The following RFTN1 variants were observed in gnomAD, a reference collection of about 807,000 sequenced individuals.
RFTN1 encodes the protein raftlin.
In RFTN1, 26 loss-of-function variants were observed where a neutral mutation model predicts 46.5. That is an observed-to-expected ratio of 0.56 (90% confidence interval 0.41 to 0.78). RFTN1 has a LOEUF of 0.78. Among genes scored for constraint, RFTN1 ranks in the 30% least tolerant of loss-of-function variants. The probability of loss-of-function intolerance (pLI) is 0.00; values close to 1 mark genes in which losing one functional copy is unlikely to be tolerated. For missense variants in RFTN1, 693 were observed against 718.7 expected (o/e 0.96, Z 0.41); for synonymous variants, 261 against 284.2 (o/e 0.92, Z 0.82).
rs996953369 is a variant in RFTN1 at position 16,344,959 on chromosome 3, A to G, written c.1146+12973T>C. On this transcript the variant is annotated intron_variant, in intron 7 of 9. Coordinates refer to ENST00000334133, the MANE Select transcript of RFTN1 (RefSeq NM_015150.2). This position sits in a 1 kb window ranked among gnomAD's most constrained non-coding sequence, Gnocchi z 4.4. ...GCCCTCTCTTCATCTGTGGCTCTCA[A>G]ACTATGCATTTTAAGCTCTTTTAGG... Among the ~76,000 whole-genome samples, 2 of 152,170 alleles carry G rather than the reference A, an allele frequency of 1.3e-5. No homozygotes were observed. Among genetic ancestry groups the G allele is most frequent in the African/African-American group, 4.8e-5 (2 of 41,422 alleles).
At position 16,442,708 on chromosome 3, in the gene RFTN1, A is replaced by G. The variant is rs1451526622; in HGVS notation, c.146-8671T>C. ...TTATCATACATAACTGCAACTTTGTACCTTTGACCTACAACTCCCCATCTC... is the reference window on the plus strand; with the variant it reads ...TTATCATACATAACTGCAACTTTGTGCCTTTGACCTACAACTCCCCATCTC... On this transcript the variant is annotated intron_variant, in intron 2 of 9. Coordinates refer to ENST00000334133, the MANE Select transcript of RFTN1 (RefSeq NM_015150.2). The surrounding 1 kb of genome is among the most constrained non-coding windows in gnomAD (Gnocchi z 4.1). Among the ~76,000 whole-genome samples the G allele has an allele frequency of 6.6e-6, 1 of 152,136 alleles. No homozygotes were observed. Among genetic ancestry groups the G allele is most frequent in the Non-Finnish European group, 1.5e-5 (1 of 68,018 alleles).
intron 2 of RFTN1, among the ~76,000 whole-genome samples, chr3:16,438,990 C>A (rs1253255155): frequency 2.0e-5 from 3 of 152,158 alleles, no homozygotes; most frequent in African/African-American, 2.4e-5. Context: ...AAACATAATA[C>A]CTTTTAAATT....
chr3:16,362,256 T>C (rs55724618), intron 6 of RFTN1, among the ~76,000 whole-genome samples: 2,025 of 152,296 alleles, frequency 0.013, 58 homozygotes, highest in African/African-American at 0.046. Flanking sequence ...ACTTCTTGTT[T>C]CCCATCCTGA....
intron 4 of RFTN1, among the ~76,000 whole-genome samples, chr3:16,406,262 C>G (rs190702983): frequency 2.4e-4 from 37 of 152,286 alleles, no homozygotes; most frequent in Middle Eastern, 3.4e-3. Flanking sequence ...GAAGGGGGCC[C>G]AGTCCCATTA....
rs1235382140 is a variant in RFTN1 at position 16,504,975 on chromosome 3, C to T, written c.-9+8467G>A. ...CAAAACCCCAGTATCAGCCTGCTCC[C>T]GCCACCATCCTCACCCTGACATTGG... is the stretch of plus-strand genomic sequence containing the variant. On this transcript the variant is annotated intron_variant, in intron 1 of 9. Transcript: ENST00000334133. The surrounding 1 kb of genome is among the most constrained non-coding windows in gnomAD (Gnocchi z 4.4). 1.3e-5 allele frequency among the ~76,000 whole-genome samples: 2 copies of T among 152,172 alleles called. No homozygotes were observed. Among genetic ancestry groups the T allele is most frequent in the African/African-American group, 2.4e-5 (1 of 41,426 alleles).
chr3:16,408,589 T>TAC (rs1174871229), intron 4 of RFTN1, among the ~76,000 whole-genome samples: 4 of 146,944 alleles, frequency 2.7e-5, no homozygotes, highest in African/African-American at 1.0e-4. Context: ...AAGTAGACCC[T>TAC]ACAGTTAGGC....
At chr3:16,332,796 T>G (rs1357484352) in intron 7 of RFTN1, among the ~76,000 whole-genome samples, 1 of 79,244 alleles carries the variant, frequency 1.3e-5, no homozygotes, top group Non-Finnish European at 2.8e-5. Context: ...ATCTTCTACT[T>G]TATCTTCTTC....
chr3:16,354,916 G>A (rs959355051), intron 7 of RFTN1, among the ~76,000 whole-genome samples: 5 of 152,196 alleles, frequency 3.3e-5, no homozygotes, highest in African/African-American at 7.2e-5. Flanking sequence ...GCTAGGACAC[G>A]AACACAATTT....
rs922867800 is a variant in RFTN1 at position 16,429,854 on chromosome 3, T to A, written c.332+3997A>T. ...GGTGATTCTTGGTAATGAAGTTCACTTGGGTCAACAATAATCTAGAATGTG... is the reference window on the plus strand; with the variant it reads ...GGTGATTCTTGGTAATGAAGTTCACATGGGTCAACAATAATCTAGAATGTG... On this transcript the variant is annotated intron_variant, in intron 3 of 9. Transcript: ENST00000334133. This position sits in a 1 kb window ranked among gnomAD's most constrained non-coding sequence, Gnocchi z 6.4. Among the ~76,000 whole-genome samples the A allele has an allele frequency of 6.6e-6, 1 of 152,236 alleles. No individual in the cohort carries two copies. Among genetic ancestry groups the A allele is most frequent in the Non-Finnish European group, 1.5e-5 (1 of 68,034 alleles).
intron 7 of RFTN1, among the ~76,000 whole-genome samples, chr3:16,355,432 C>G (rs2072372553): frequency 6.6e-6 from 1 of 152,240 alleles, no homozygotes; most frequent in African/African-American, 2.4e-5. Flanking sequence ...CTGGCAAAGG[C>G]CCATTCCTCA....
chr3:16,496,445 G>A (rs2076627436), intron 1 of RFTN1, among the ~76,000 whole-genome samples: 2 of 152,196 alleles, frequency 1.3e-5, no homozygotes, highest in Non-Finnish European at 2.9e-5. Context: ...AAACACCCAT[G>A]AGGATATGCA....
intron 7 of RFTN1, among the ~76,000 whole-genome samples, chr3:16,343,379 A>C (rs1366476434): frequency 2.0e-5 from 3 of 152,212 alleles, no homozygotes; most frequent in African/African-American, 7.2e-5. Context: ...AAAACAGTCT[A>C]CTTCCTTCCT....
rs532453607 is a variant in RFTN1 at position 16,448,729 on chromosome 3, G to A, written c.146-14692C>T. The stretch of plus-strand genomic sequence containing the variant: ...ATGTTTACCTCTCAGGAGCCACTGC[G>A]TTCCCGACCTTCTTCTGCCCCATTG... On this transcript the variant is annotated intron_variant, in intron 2 of 9. Coordinates refer to ENST00000334133, the MANE Select transcript of RFTN1 (RefSeq NM_015150.2). This position sits in a 1 kb window ranked among gnomAD's most constrained non-coding sequence, Gnocchi z 4.1. Among the ~76,000 whole-genome samples the A allele has an allele frequency of 5.3e-5, 8 of 152,236 alleles. No homozygotes were observed. Among genetic ancestry groups the A allele is most frequent in the African/African-American group, 1.2e-4 (5 of 41,546 alleles).
At chr3:16,397,771 G>C (rs927389035) in intron 4 of RFTN1, among the ~76,000 whole-genome samples, 17 of 138,940 alleles carry the variant, frequency 1.2e-4, no homozygotes, top group Admixed American at 1.2e-3. Context: ...ATTTGGTCTC[G>C]GTCTCTCTCC....
chr3:16,492,347 G>A (rs1354076574), intron 2 of RFTN1, among the ~76,000 whole-genome samples: 1 of 152,194 alleles, frequency 6.6e-6, no homozygotes, highest in East Asian at 1.9e-4. Flanking sequence ...AACACCTGCA[G>A]ACCCTACTGT....
intron 1 of RFTN1, among the ~76,000 whole-genome samples, chr3:16,503,095 C>T (rs569485472): frequency 6.6e-6 from 1 of 152,274 alleles, no homozygotes; most frequent in Admixed American, 6.5e-5. Context: ...ACCCCCACTC[C>T]TCCAACTCCC....
intron 2 of RFTN1, among the ~76,000 whole-genome samples, chr3:16,437,036 C>T (rs2075530094): frequency 6.6e-6 from 1 of 152,182 alleles, no homozygotes; most frequent in African/African-American, 2.4e-5. Flanking sequence ...CTACAAGTTC[C>T]CATGCAAGAA....
In RFTN1 at chr3:16,374,642, G is replaced by A. The variant is rs573621288; in HGVS notation, c.826+3076C>T. 6.6e-6 allele frequency among the ~76,000 whole-genome samples: 1 copy of A among 152,310 alleles called. No homozygotes were observed. The highest frequency in any genetic ancestry group is 6.5e-5 in the Admixed American group (1 of 15,302). On this transcript the variant is annotated intron_variant, in intron 5 of 9. Transcript: ENST00000334133. This position sits in a 1 kb window ranked among gnomAD's most constrained non-coding sequence, Gnocchi z 5.4. ...AGGGTAGGAAGGGCAGTGCTTGGAA[G>A]ACTTGTTATTTTGGTGACGGTGAGA...
At position 16,484,240 on chromosome 3, in the gene RFTN1, C is replaced by CTT. The variant is rs2076411550; in HGVS notation, c.145+9483_145+9484dup. ...GTGAAGGGAGACTGAAAGGACAACT[C>CTT]TTATAAACAATGATTATCAGCTGCT... On this transcript the variant is annotated intron_variant, in intron 2 of 9. Coordinates refer to ENST00000334133, the MANE Select transcript of RFTN1 (RefSeq NM_015150.2). The surrounding 1 kb of genome is among the most constrained non-coding windows in gnomAD (Gnocchi z 4.6). 6.6e-6 allele frequency among the ~76,000 whole-genome samples: 1 copy of CTT among 152,208 alleles called. No homozygotes were observed. Among genetic ancestry groups the CTT allele is most frequent in the Admixed American group, 6.5e-5 (1 of 15,282 alleles).
Sources: allele counts gnomAD v4.1 joint callset (sites outside exome capture counted in the v4.1 genomes callset), GRCh38; gene constraint gnomAD v4.1.1; non-coding constraint Gnocchi (gnomAD v3.1); transcripts MANE v1.5; gene names NCBI Gene and HGNC (gene_info 2026-07-23, HGNC 2026-07-21).